The following STX8 variants were observed in gnomAD, a reference collection of about 807,000 sequenced individuals.
STX8 encodes syntaxin 8.
STX8 carries 23 observed loss-of-function variants against 37.5 expected under a neutral mutation model. That is an observed-to-expected ratio of 0.61 (90% CI 0.44 to 0.87). STX8 has a LOEUF of 0.87. Ranked by LOEUF, STX8 falls within the 40% of genes least tolerant of loss-of-function variation. The pLI, the probability that STX8 is intolerant of heterozygous loss-of-function variation, is 0.00. For synonymous variants in STX8, 115 were observed against 99.1 expected (o/e 1.16, Z -0.95); for missense variants, 313 against 284.7 (o/e 1.10, Z -0.71).
chr17:9,365,417 C>A (rs181254083), intron 7 of STX8, among the ~76,000 whole-genome samples: 3 of 152,114 alleles, frequency 2.0e-5, no homozygotes, highest in Non-Finnish European at 4.4e-5. Context: ...AGTTTGGGGC[C>A]TGAAAAAATA....
At chr17:9,355,234 A>G (rs563038510) in intron 7 of STX8, among the ~76,000 whole-genome samples, 4 of 151,148 alleles carry the variant, frequency 2.6e-5, no homozygotes, top group African/African-American at 7.3e-5. Flanking sequence ...TAATTTGTTG[A>G]CTGTTGTTTT....
chr17:9,367,306 A>G (rs1234442395), intron 7 of STX8, among the ~76,000 whole-genome samples: 1 of 152,028 alleles, frequency 6.6e-6, no homozygotes, highest in Non-Finnish European at 1.5e-5. Flanking sequence ...CAAAGCCACC[A>G]GATTCTTCCT....
chr17:9,391,581 T>C (rs1471430157), intron 6 of STX8, among the ~76,000 whole-genome samples: 1 of 151,578 alleles, frequency 6.6e-6, no homozygotes, highest in Non-Finnish European at 1.5e-5. Context: ...CTGGTGAATC[T>C]AGTAAATGAA....
intron 7 of STX8, among the ~76,000 whole-genome samples, chr17:9,366,469 A>G (rs975436260): frequency 2.6e-5 from 4 of 152,132 alleles, no homozygotes; most frequent in South Asian, 2.1e-4. Context: ...TGACCTCGTG[A>G]TCTGCCCACC....
chr17:9,361,909 G>A (rs1210857991), intron 7 of STX8, among the ~76,000 whole-genome samples: 2 of 152,144 alleles, frequency 1.3e-5, no homozygotes, highest in Non-Finnish European at 2.9e-5. Flanking sequence ...TACAAACCAC[G>A]CACGCCTCCA....
chr17:9,574,296 A>G (rs1044587636), intron 1 of STX8, among the ~76,000 whole-genome samples: 21 of 150,998 alleles, frequency 1.4e-4, no homozygotes, highest in Non-Finnish European at 2.5e-4. Context: ...AAAGAAGAAA[A>G]GAAAGTTATG....
intron 7 of STX8, among the ~76,000 whole-genome samples, chr17:9,368,520 C>T (rs1004658473): frequency 1.3e-5 from 2 of 152,008 alleles, no homozygotes; most frequent in Non-Finnish European, 2.9e-5. Flanking sequence ...CAAAAGAAAA[C>T]ATTGATGATC....
At chr17:9,301,654 G>GT (rs530983906) in intron 7 of STX8, among the ~76,000 whole-genome samples, 18,743 of 123,372 alleles carry the variant, frequency 0.15, 2,801 homozygotes, top group African/African-American at 0.38. Context: ...GGCCATTTTT[G>GT]TTTTTTTTTT....
intron 6 of STX8, chr17:9,464,798 C>T (rs960506961): frequency 3.4e-5 from 5 of 149,146 alleles, no homozygotes; most frequent in Non-Finnish European, 7.4e-5. Flanking sequence ...TCTCAGCTCA[C>T]TACAACCTCT....
At chr17:9,321,933 G>A (rs1909592399) in intron 7 of STX8, among the ~76,000 whole-genome samples, 1 of 152,226 alleles carries the variant, frequency 6.6e-6, no homozygotes. Context: ...TGGGGCAGGG[G>A]CCAGCTGATT....
chr17:9,527,747 T>TA (rs1905636473), intron 4 of STX8, among the ~76,000 whole-genome samples: 1 of 152,168 alleles, frequency 6.6e-6, no homozygotes, highest in Non-Finnish European at 1.5e-5. Context: ...AGCTAAGGTT[T>TA]AAGGAAAGGG....
chr17:9,315,017 G>A (rs1163168702), intron 7 of STX8, among the ~76,000 whole-genome samples: 4 of 150,588 alleles, frequency 2.7e-5, no homozygotes, highest in African/African-American at 7.3e-5. Flanking sequence ...CAGGAGAATC[G>A]CTTGAATCCG....
chr17:9,446,460 G>C (rs764001042), intron 6 of STX8, among the ~76,000 whole-genome samples: 1 of 152,194 alleles, frequency 6.6e-6, no homozygotes, highest in Non-Finnish European at 1.5e-5. Flanking sequence ...GAAACTATTA[G>C]TGTGAAGTGA....
At chr17:9,473,880 C>T (rs535743028) in intron 6 of STX8, among the ~76,000 whole-genome samples, 55 of 152,228 alleles carry the variant, frequency 3.6e-4, no homozygotes, top group Admixed American at 1.2e-3. Flanking sequence ...CATCTATGAA[C>T]ACATCAGATA....
At chr17:9,293,120 C>T (rs76016047) in intron 7 of STX8, among the ~76,000 whole-genome samples, 3 of 152,238 alleles carry the variant, frequency 2.0e-5, no homozygotes, top group African/African-American at 7.2e-5. Context: ...CTCCATGTCT[C>T]CTAGGTAGAT....
intron 6 of STX8, among the ~76,000 whole-genome samples, chr17:9,394,713 T>C (rs536962725): frequency 6.6e-6 from 1 of 151,864 alleles, no homozygotes; most frequent in South Asian, 2.1e-4. Context: ...CAATATTTAG[T>C]AAAAATTGCC....
Position 9,438,401 on chromosome 17 carries a change from A to C in STX8, c.541+53428T>G, listed in dbSNP as rs375406608. Among the ~76,000 whole-genome samples the C allele has an allele frequency of 3.9e-5, 6 of 151,992 alleles. No homozygotes were observed. The East Asian group carries it at 9.7e-4, about 24-fold the overall frequency. Reference sequence around the variant, plus strand: ...TGGCATCGTCTGAGAGCTGGTCAGAAGTGCTGACTCTCAGGTCCCACCTTG... The same window carrying C: ...TGGCATCGTCTGAGAGCTGGTCAGACGTGCTGACTCTCAGGTCCCACCTTG... On this transcript the variant is annotated intron_variant, in intron 6 of 7. Coordinates refer to ENST00000306357, the MANE Select transcript of STX8 (RefSeq NM_004853.3).
intron 4 of STX8, among the ~76,000 whole-genome samples, chr17:9,511,365 A>G (rs1480867896): frequency 6.6e-6 from 1 of 152,168 alleles, no homozygotes; most frequent in East Asian, 1.9e-4. Context: ...CCTCAATACT[A>G]GCAAATGAAA....
chr17:9,452,868 G>A (rs531560566), intron 6 of STX8, among the ~76,000 whole-genome samples: 1 of 151,622 alleles, frequency 6.6e-6, no homozygotes, highest in Admixed American at 6.6e-5. Flanking sequence ...GTGCAGTGGC[G>A]TGATCTCGGC....
Sources: gnomAD v4.1 joint callset for allele counts (sites outside exome capture counted in the v4.1 genomes callset) on GRCh38, gnomAD v4.1.1 for gene constraint, MANE v1.5 for transcripts, NCBI Gene and HGNC (gene_info 2026-07-23, HGNC 2026-07-21) for gene names.